The following AUTS2 variants were observed in gnomAD, a reference collection of about 807,000 sequenced individuals.
AUTS2 encodes activator of transcription and developmental regulator AUTS2, also known as autism susceptibility gene 2 protein.
AUTS2 carries 17 observed loss-of-function variants against 112.4 expected under a neutral mutation model. The observed-to-expected ratio is 0.15, with a 90% CI of 0.10 to 0.23. The LOEUF (loss-of-function observed/expected upper bound fraction) is 0.23, where lower values mean the gene tolerates loss of function less well. Among genes scored for constraint, AUTS2 ranks in the 10% least tolerant of loss-of-function variants. AUTS2 has a pLI of 1.00. For missense variants in AUTS2, 1,510 were observed against 1,701.6 expected (o/e 0.89, Z 1.98); for synonymous variants, 751 against 702.7 (o/e 1.07, Z -1.09).
At chr7:69,604,145 C>T (rs1792584217) in intron 1 of AUTS2, among the ~76,000 whole-genome samples, 1 of 152,150 alleles carries the variant, frequency 6.6e-6, no homozygotes, top group South Asian at 2.1e-4. Context: ...GAGCATCAAA[C>T]CAAGACTTTG....
chr7:70,778,257 T>C lies in AUTS2; in HGVS notation c.2004+1083T>C, dbSNP rs545478507. On this transcript the variant is annotated intron_variant, in intron 14 of 18. Coordinates refer to ENST00000342771, the MANE Select transcript of AUTS2 (RefSeq NM_015570.4). ...TTACAGTCTGGGTATTTATAGGCTA[T>C]GTTACGATGCCTGCAAAAATGGGAG... Among the ~76,000 whole-genome samples the C allele has an allele frequency of 3.3e-5, 5 of 152,312 alleles. No homozygotes were observed. In the South Asian group the frequency reaches 1.0e-3, roughly 32 times the overall value.
At chr7:69,902,288 C>A (rs1787522419) in intron 2 of AUTS2, among the ~76,000 whole-genome samples, 2 of 152,134 alleles carry the variant, frequency 1.3e-5, no homozygotes, top group South Asian at 4.2e-4. Flanking sequence ...CTCGTGATTG[C>A]TTTCCTATCA....
intron 2 of AUTS2, among the ~76,000 whole-genome samples, chr7:69,979,135 AT>A (rs1798189844): frequency 6.6e-6 from 1 of 152,230 alleles, no homozygotes; most frequent in Non-Finnish European, 1.5e-5. Flanking sequence ...GAATGAAGTA[AT>A]AAATTTGTGT....
chr7:70,784,065 A>G (rs1791270329), intron 15 of AUTS2: 1 of 152,162 alleles, frequency 6.6e-6, no homozygotes, highest in South Asian at 2.1e-4. Context: ...GGAAACCACT[A>G]AATTAGACCT....
intron 2 of AUTS2, among the ~76,000 whole-genome samples, chr7:70,066,348 T>G (rs1802490768): frequency 6.6e-6 from 1 of 152,094 alleles, no homozygotes; most frequent in African/African-American, 2.4e-5. Context: ...AATTTTGGAG[T>G]TGAATGGTCC....
intron 4 of AUTS2, among the ~76,000 whole-genome samples, chr7:70,257,692 G>A (rs1349765156): frequency 4.0e-5 from 6 of 150,132 alleles, no homozygotes; most frequent in African/African-American, 1.5e-4. Flanking sequence ...TTCTGGGCCT[G>A]AGCGATCCTC....
chr7:70,422,000 A>G (rs997740758), intron 4 of AUTS2, among the ~76,000 whole-genome samples: 6 of 152,156 alleles, frequency 3.9e-5, no homozygotes, highest in African/African-American at 1.4e-4. Flanking sequence ...TAAAATAAAG[A>G]CTGTTTTTGT....
intron 1 of AUTS2, among the ~76,000 whole-genome samples, chr7:69,838,537 C>T (rs1392163252): frequency 6.6e-6 from 1 of 152,170 alleles, no homozygotes; most frequent in Non-Finnish European, 1.5e-5. Flanking sequence ...TATCTGGATC[C>T]ATCAAAACCT....
chr7:70,050,982 G>T (rs540506561), intron 2 of AUTS2, among the ~76,000 whole-genome samples: 1 of 152,120 alleles, frequency 6.6e-6, no homozygotes, highest in Non-Finnish European at 1.5e-5. Flanking sequence ...GCGACAGAGC[G>T]AGACTCTGTC....
intron 6 of AUTS2, among the ~76,000 whole-genome samples, chr7:70,720,488 C>G (rs556631874): frequency 2.6e-5 from 4 of 152,170 alleles, no homozygotes; most frequent in Non-Finnish European, 4.4e-5. Flanking sequence ...AGAGCATCTT[C>G]TCTTCATGTT....
chr7:69,665,861 T>G (rs937146847), intron 1 of AUTS2, among the ~76,000 whole-genome samples: 2 of 152,180 alleles, frequency 1.3e-5, no homozygotes, highest in African/African-American at 2.4e-5. Flanking sequence ...ATCTGTTCAT[T>G]TCTTCAGGCT....
intron 2 of AUTS2, among the ~76,000 whole-genome samples, chr7:69,931,626 G>A (rs181551467): frequency 1.3e-5 from 2 of 152,244 alleles, no homozygotes; most frequent in African/African-American, 2.4e-5. Context: ...ACTTGGTGAG[G>A]ATCAGTCAGG....
chr7:69,640,952 C>T (rs1433389992), intron 1 of AUTS2, among the ~76,000 whole-genome samples: 1 of 152,118 alleles, frequency 6.6e-6, no homozygotes, highest in Admixed American at 6.6e-5. Flanking sequence ...CTATCTATGT[C>T]TCATTACAGA....
At chr7:69,753,896 T>C (rs923555839) in intron 1 of AUTS2, among the ~76,000 whole-genome samples, 1 of 152,218 alleles carries the variant, frequency 6.6e-6, no homozygotes, top group African/African-American at 2.4e-5. Flanking sequence ...GGCTTGTGAT[T>C]AAGCTGGTGC....
At chr7:70,598,671 G>C (rs1803317863) in intron 5 of AUTS2, among the ~76,000 whole-genome samples, 1 of 152,216 alleles carries the variant, frequency 6.6e-6, no homozygotes, top group Non-Finnish European at 1.5e-5. Context: ...CTAAGGCTCA[G>C]CCTACCCCCA....
intron 4 of AUTS2, among the ~76,000 whole-genome samples, chr7:70,361,056 C>A (rs967255400): frequency 6.6e-6 from 1 of 152,242 alleles, no homozygotes; most frequent in Middle Eastern, 3.4e-3. Flanking sequence ...ATATAAAAAT[C>A]GATTCTTGGC....
chr7:70,585,690 T>G (rs1802649057), intron 5 of AUTS2, among the ~76,000 whole-genome samples: 1 of 152,136 alleles, frequency 6.6e-6, no homozygotes, highest in Non-Finnish European at 1.5e-5. Flanking sequence ...CGAGTTTGAA[T>G]TCTACGGGAT....
intron 4 of AUTS2, among the ~76,000 whole-genome samples, chr7:70,406,971 T>A (rs75719256): frequency 0.011 from 1,645 of 152,216 alleles, 21 homozygotes; most frequent in African/African-American, 0.037. Context: ...ACCTACTGAT[T>A]TGTTAAGTTG....
chr7:70,520,247 C>T (rs1260036981), intron 5 of AUTS2, among the ~76,000 whole-genome samples: 1 of 152,178 alleles, frequency 6.6e-6, no homozygotes, highest in Non-Finnish European at 1.5e-5. Flanking sequence ...CATACACACA[C>T]ACATGAGCAA....
Sources: allele counts gnomAD v4.1 joint callset (sites outside exome capture counted in the v4.1 genomes callset), GRCh38; gene constraint gnomAD v4.1.1; transcripts MANE v1.5; gene names NCBI Gene and HGNC (gene_info 2026-07-23, HGNC 2026-07-21).